The following CEP83 variants were observed in gnomAD, a reference collection of about 807,000 sequenced individuals.
The protein encoded by CEP83 is centrosomal protein of 83 kDa.
In CEP83, 70 loss-of-function variants were observed where a neutral mutation model predicts 101.9. That is an observed-to-expected ratio of 0.69 (90% CI 0.57 to 0.84). The LOEUF is 0.84. Ranked by LOEUF, CEP83 falls within the 40% of genes least tolerant of loss-of-function variation. CEP83 has a pLI of 0.00. For synonymous variants in CEP83, 264 were observed against 267.9 expected (o/e 0.99, Z 0.14); for missense variants, 715 against 787.2 (o/e 0.91, Z 1.10).
the CEP83 span, chr12:94,298,879 G>T: frequency 1.5e-6 from 2 of 1,302,394 alleles, no homozygotes; most frequent in Non-Finnish European, 2.1e-6. Context: ...AGTTATAGAA[G>T]GATTCATTTA....
At chr12:94,312,000 A>G (rs1969934349) in intron 15 of CEP83, among the ~76,000 whole-genome samples, 1 of 152,116 alleles carries the variant, frequency 6.6e-6, no homozygotes, top group Non-Finnish European at 1.5e-5. Flanking sequence ...GATTAAGCCT[A>G]GGGGTTCGAG....
chr12:94,448,502 G>A (rs960487110), intron 1 of CEP83, among the ~76,000 whole-genome samples: 13 of 151,990 alleles, frequency 8.6e-5, no homozygotes, highest in Admixed American at 3.9e-4. Flanking sequence ...CAAACACAAG[G>A]AAAATTTTCC....
intron 1 of CEP83, among the ~76,000 whole-genome samples, chr12:94,452,317 G>T (rs1047246985): frequency 1.3e-5 from 2 of 152,136 alleles, no homozygotes; most frequent in African/African-American, 4.8e-5. Flanking sequence ...CACTTACAAT[G>T]AGTGGTTTTT....
intron 14 of CEP83, among the ~76,000 whole-genome samples, chr12:94,317,358 T>C (rs763161908): frequency 4.6e-5 from 7 of 152,180 alleles, no homozygotes; most frequent in Non-Finnish European, 5.9e-5. Context: ...TCCCATTCTG[T>C]AGGTTATCTG....
At chr12:94,454,677 T>G (rs1317705473) in intron 1 of CEP83, among the ~76,000 whole-genome samples, 1 of 152,236 alleles carries the variant, frequency 6.6e-6, no homozygotes. Context: ...ATCTTGCTGC[T>G]GCTCACTCTT....
the CEP83 span, among the ~76,000 whole-genome samples, chr12:94,265,999 C>T: frequency 6.6e-6 from 1 of 152,126 alleles, no homozygotes; most frequent in Non-Finnish European, 1.5e-5. Flanking sequence ...GAAGAGATTG[C>T]TGTGTTTTGG....
the CEP83 span, chr12:94,300,828 AC>A: frequency 1.5e-5 from 20 of 1,327,090 alleles, no homozygotes; most frequent in South Asian, 1.2e-4. Context: ...GGACAAAAAC[AC>A]CCGTTTACAA....
chr12:94,383,967 C>T (rs1052340176), intron 6 of CEP83, among the ~76,000 whole-genome samples: 19 of 152,086 alleles, frequency 1.2e-4, no homozygotes, highest in African/African-American at 4.6e-4. Flanking sequence ...AAAATTTTTA[C>T]TTCAACCACC....
the CEP83 span, among the ~76,000 whole-genome samples, chr12:94,277,429 G>T: frequency 1.2e-3 from 181 of 152,296 alleles, 1 homozygote; most frequent in East Asian, 0.034. Context: ...AATTTCAGAA[G>T]CCCCACATCC....
Position 94,395,209 on chromosome 12 carries a change from TAGC to T in CEP83, c.549+5638_549+5640del, listed in dbSNP as rs776909911. Among the ~76,000 whole-genome samples, 3 of 152,086 alleles carry T rather than the reference TAGC, an allele frequency of 2.0e-5. No homozygotes were observed. The East Asian group carries it at 5.8e-4, about 29-fold the overall frequency. On this transcript the variant is annotated intron_variant, in intron 6 of 16. Coordinates refer to ENST00000397809, the MANE Select transcript of CEP83 (RefSeq NM_016122.3). Reference sequence around the variant, plus strand: ...AGGGGGTGGGGGCCTGGGGGAGGGATAGCATTAGGAGAAATACCTAATGTAAAT... The same window carrying T: ...AGGGGGTGGGGGCCTGGGGGAGGGATATTAGGAGAAATACCTAATGTAAAT...
chr12:94,427,950 AC>A (rs1297276959), intron 2 of CEP83, among the ~76,000 whole-genome samples: 1 of 152,188 alleles, frequency 6.6e-6, no homozygotes, highest in Non-Finnish European at 1.5e-5. Context: ...CTGGGAGCAG[AC>A]CCTTCAAAGC....
chr12:94,336,993 T>C (rs1391772875), intron 11 of CEP83, among the ~76,000 whole-genome samples: 4 of 152,082 alleles, frequency 2.6e-5, no homozygotes, highest in Admixed American at 6.5e-5. Context: ...CACAAAATCA[T>C]GAAGATGAAA....
At chr12:94,346,074 G>A (rs73230171) in intron 11 of CEP83, among the ~76,000 whole-genome samples, 14,962 of 151,728 alleles carry the variant, frequency 0.099, 854 homozygotes, top group Admixed American at 0.15. Context: ...TTTTTGAGAC[G>A]GGGTCTTGCT....
intron 14 of CEP83, among the ~76,000 whole-genome samples, chr12:94,313,790 T>C (rs943746172): frequency 3.3e-5 from 5 of 152,090 alleles, no homozygotes; most frequent in South Asian, 4.1e-4. Context: ...TGAGCCGAGA[T>C]TGCACCACTG....
At chr12:94,304,733 G>C (rs757664199), downstream of CEP83, among the ~76,000 whole-genome samples, 1 of 152,106 alleles carries the variant, frequency 6.6e-6, no homozygotes, top group African/African-American at 2.4e-5. Flanking sequence ...AGCATCCCTC[G>C]TTCCAGGGGT....
chr12:94,400,362 C>T (rs2063178889), intron 6 of CEP83, among the ~76,000 whole-genome samples: 3 of 152,112 alleles, frequency 2.0e-5, no homozygotes. Flanking sequence ...GAGAACATTC[C>T]AGTTGCAAAT....
intron 11 of CEP83, among the ~76,000 whole-genome samples, chr12:94,349,914 C>G (rs777844938): frequency 2.0e-5 from 3 of 151,990 alleles, no homozygotes; most frequent in African/African-American, 7.2e-5. Context: ...ACAATAGCAT[C>G]AAAAAGAATA....
chr12:94,335,532 CAT>C (rs1214452952), intron 12 of CEP83, 55 bp downstream of exon 12: 3 of 1,190,696 alleles, frequency 2.5e-6, no homozygotes, highest in East Asian at 2.5e-5. Context: ...ATTTGCAAAA[CAT>C]AAATTTAAAG....
At chr12:94,447,212 A>G (rs2066875674) in intron 1 of CEP83, among the ~76,000 whole-genome samples, 1 of 152,206 alleles carries the variant, frequency 6.6e-6, no homozygotes, top group South Asian at 2.1e-4. Context: ...AAAGGAAGTC[A>G]CACCATAAAG....
Sources: allele counts gnomAD v4.1 joint callset (sites outside exome capture counted in the v4.1 genomes callset), GRCh38; gene constraint gnomAD v4.1.1; transcripts MANE v1.5; gene names NCBI Gene and HGNC (gene_info 2026-07-23, HGNC 2026-07-21).